COMMD5: variants seen among roughly 807,000 people sequenced by gnomAD.
COMMD5 encodes the protein COMM domain-containing protein 5.
Under a neutral mutation model 6.9 loss-of-function variants are expected in COMMD5, and 10 were observed. The ratio of observed to expected loss-of-function variants is 1.44; its 90% CI spans 0.89 to 2.45. The LOEUF is 2.45. Among genes scored for constraint, COMMD5 ranks in the 30% most tolerant of loss-of-function variants. The probability of loss-of-function intolerance (pLI) is 0.00; values close to 1 mark genes in which losing one functional copy is unlikely to be tolerated. For missense variants in COMMD5, 234 were observed against 287.8 expected (o/e 0.81, Z 1.35); for synonymous variants, 127 against 125.3 (o/e 1.01, Z -0.09).
chr8:144,851,437 C>T (rs1830741112), intron 1 of COMMD5, 42 bp from the exon 2 acceptor site: 3 of 1,359,528 alleles, frequency 2.2e-6, no homozygotes, highest in African/African-American at 2.9e-5. Flanking sequence ...ACTCTCACAT[C>T]CTTTGGGCCA....
downstream of COMMD5, chr8:144,838,030 A>G (rs1042849093): frequency 2.9e-6 from 2 of 697,910 alleles, no homozygotes; most frequent in African/African-American, 3.6e-5. Context: ...GAAATCTGAA[A>G]CCGGGGGGTC....
chr8:144,851,281 C>G lies in COMMD5; in HGVS notation c.58G>C (p.Gly20Arg). ...TGGGCCCCCAAGAAACTCACTCGGC[C>G]ACTGTGACTATCACCAGGATGATGC... ...YLHHPGDSHSGRVSFLGAQLP... is the reference protein window; with the variant it reads ...YLHHPGDSHSRRVSFLGAQLP... Residue 20 changes from glycine (G) to arginine (R), a missense_variant, in exon 2 of 2, where the codon GGC (glycine) becomes CGC (arginine). Physicochemically the swap from Gly to Arg is moderately radical, Grantham distance 125. Coordinates refer to ENST00000305103, the MANE Select transcript of COMMD5 (RefSeq NM_014066.4). 1 of 1,614,036 alleles carries G rather than the reference C, an allele frequency of 6.2e-7. No homozygotes were observed.
rs958759129 is a variant in COMMD5, at chr8:144,850,534, G to A, written c.*130C>T. 2.2e-5 allele frequency: 21 copies of A among 955,532 alleles called. No homozygotes were observed. The highest frequency in any genetic ancestry group is 8.9e-5 in the South Asian group (5 of 55,920). The allele number at this position is 955,532 out of a possible 1,614,324, so 59.2% of individuals were successfully genotyped here. On this transcript the variant is annotated 3_prime_UTR_variant, in exon 2 of 2. Transcript: ENST00000305103. The surrounding 1 kb of genome is among the most constrained non-coding windows in gnomAD (Gnocchi z 4.0). Reference sequence around the variant, plus strand: ...ATTAAACAGAAAACTACATAATTACGTTCAAACACTCACTGAAGAGCCTGC... The same window carrying A: ...ATTAAACAGAAAACTACATAATTACATTCAAACACTCACTGAAGAGCCTGC...
At chr8:144,846,006 A>C, downstream of COMMD5, 1 of 1,536,562 alleles carries the variant, frequency 6.5e-7, no homozygotes, top group South Asian at 1.2e-5. Flanking sequence ...ACCATGGGAC[A>C]AGAGCCAAGG....
chr8:144,853,449 G>T (rs1830843647), upstream of COMMD5: 1 of 152,184 alleles, frequency 6.6e-6, no homozygotes, highest in Non-Finnish European at 1.5e-5. Context: ...GAGGATCAGC[G>T]CGGAGCGGAG....
chr8:144,842,866 G>A lies in COMMD5; in HGVS notation c.*117-1123C>T, dbSNP rs762535707. 2.5e-6 allele frequency: 4 copies of A among 1,614,122 alleles called. No individual in the cohort carries two copies. In the African/African-American group the frequency reaches 5.3e-5, roughly 22 times the overall value. On this transcript the variant is annotated intron_variant and NMD_transcript_variant, in intron 1 of 1. Transcript: ENST00000530332. ...GAAGCCCTATGAGTGCAGTGAGTGT[G>A]GAAAAGCCTTCAGCCGGAGCTCATA...
intron 1 of COMMD5, chr8:144,843,148 C>A: frequency 1.9e-6 from 3 of 1,590,190 alleles, no homozygotes; most frequent in South Asian, 1.2e-5. Context: ...TACCCAGCAT[C>A]AAAAAATTCA....
At chr8:144,842,755 GA>G (rs1830115906) in intron 1 of COMMD5, 1 of 1,614,228 alleles carries the variant, frequency 6.2e-7, no homozygotes, top group Non-Finnish European at 8.5e-7. Flanking sequence ...TCACACTGGA[GA>G]GAGGCCCTAT....
chr8:144,839,938 CTTTATTTT>C (rs1829649848), downstream of COMMD5, among the ~76,000 whole-genome samples: 1 of 152,146 alleles, frequency 6.6e-6, no homozygotes, highest in Non-Finnish European at 1.5e-5. Context: ...TGCCGCTGCT[CTTTATTTT>C]TTTATTTTTT....
At chr8:144,846,063 A>G (rs201207389), downstream of COMMD5, 172 of 1,536,292 alleles carry the variant, frequency 1.1e-4, no homozygotes, top group Non-Finnish European at 1.5e-4. Context: ...CTTCCAAAAC[A>G]CTGCTCACAA....
intron 1 of COMMD5, among the ~76,000 whole-genome samples, chr8:144,851,907 G>A (rs1830763347): frequency 6.6e-6 from 1 of 152,130 alleles, no homozygotes; most frequent in African/African-American, 2.4e-5. Context: ...TGAAGGTGAG[G>A]CCAGCGGATC....
upstream of COMMD5, chr8:144,853,276 A>T (rs953755795): frequency 6.6e-6 from 1 of 151,800 alleles, no homozygotes; most frequent in Non-Finnish European, 1.5e-5. Flanking sequence ...TGAGGTAGAA[A>T]CTGCGGCCTG....
At chr8:144,843,184 A>ATG (rs1830195960) in intron 1 of COMMD5, 4 of 1,539,940 alleles carry the variant, frequency 2.6e-6, no homozygotes, top group Middle Eastern at 3.5e-4. Context: ...TTACATATAA[A>ATG]TGTGTATATA....
At chr8:144,838,079 A>T (rs1245335295), downstream of COMMD5, 9 of 702,788 alleles carry the variant, frequency 1.3e-5, no homozygotes, top group Non-Finnish European at 2.3e-5. Context: ...GGCTTTAGGG[A>T]AGGATCCTGT....
At chr8:144,846,452 T>C (rs1299708475), downstream of COMMD5, 2 of 342,518 alleles carry the variant, frequency 5.8e-6, no homozygotes. Context: ...CCCAAGCGTC[T>C]TCATGGAGCC....
At position 144,850,486 on chromosome 8, in the gene COMMD5, A is replaced by G; in HGVS notation, c.*178T>C. 1.4e-6 allele frequency: 1 copy of G among 727,268 alleles called. No individual in the cohort carries two copies. The highest frequency in any genetic ancestry group is 2.2e-6 in the Non-Finnish European group (1 of 460,100). The allele number at this position is 727,268 out of a possible 1,614,324, so 45.1% of individuals were successfully genotyped here. On this transcript the variant is annotated 3_prime_UTR_variant, in exon 2 of 2. Transcript: ENST00000305103. This position sits in a 1 kb window ranked among gnomAD's most constrained non-coding sequence, Gnocchi z 4.0. ...TAGCTGCTTTACTTCCAAAAAGAAA[A>G]AAAGGCATAGCTCTCTTTTTCAATT...
downstream of COMMD5, among the ~76,000 whole-genome samples, chr8:144,840,713 G>A (rs1829778272): frequency 1.3e-5 from 2 of 152,148 alleles, no homozygotes; most frequent in African/African-American, 2.4e-5. Flanking sequence ...AGTCAGTGTG[G>A]TCTTAGAGGT....
downstream of COMMD5, among the ~76,000 whole-genome samples, chr8:144,839,723 G>A (rs1829607598): frequency 6.6e-6 from 1 of 152,214 alleles, no homozygotes; most frequent in African/African-American, 2.4e-5. Flanking sequence ...AATACATGAA[G>A]CAAGGCAGAA....
At position 144,851,374 on chromosome 8, in the gene COMMD5, G is replaced by A. The variant is rs1285995629; in HGVS notation, c.-36C>T. 1.9e-6 allele frequency: 3 copies of A among 1,575,444 alleles called. No homozygotes were observed. The highest frequency in any genetic ancestry group is 2.6e-6 in the Non-Finnish European group (3 of 1,157,760). On this transcript the variant is annotated 5_prime_UTR_variant, in exon 2 of 2. Coordinates refer to ENST00000305103, the MANE Select transcript of COMMD5 (RefSeq NM_014066.4). ...TCCTCTTTGATCAGCCAGCCCAGGAGGTCGGTCCCAGATGCAGATGCCTAG... is the reference window on the plus strand; with the variant it reads ...TCCTCTTTGATCAGCCAGCCCAGGAAGTCGGTCCCAGATGCAGATGCCTAG...
Sources: gnomAD v4.1 joint callset for allele counts (sites outside exome capture counted in the v4.1 genomes callset) on GRCh38, gnomAD v4.1.1 for gene constraint, Gnocchi (gnomAD v3.1) non-coding constraint, MANE v1.5 for transcripts, NCBI Gene and HGNC (gene_info 2026-07-23, HGNC 2026-07-21) for gene names.